The following SPAG16 variants were observed in gnomAD, a reference collection of about 807,000 sequenced individuals.
SPAG16 encodes the protein sperm associated antigen 16, also known as sperm-associated antigen 16 protein.
Under a neutral mutation model 80.4 loss-of-function variants are expected in SPAG16, and 86 were observed. The ratio of observed to expected loss-of-function variants is 1.07; its 90% CI spans 0.90 to 1.28. SPAG16 has a LOEUF of 1.28. SPAG16 is among the 50% of genes most tolerant of loss of function. The pLI is 0.00. For synonymous variants in SPAG16, 294 were observed against 265.9 expected, an observed-to-expected ratio of 1.11 and a Z score of -1.03; for missense variants, 870 against 765.3, an observed-to-expected ratio of 1.14 and a Z score of -1.61.
At chr2:213,404,634 G>A (rs1412183287) in intron 9 of SPAG16, among the ~76,000 whole-genome samples, 1 of 152,096 alleles carries the variant, frequency 6.6e-6, no homozygotes, top group Non-Finnish European at 1.5e-5. Context: ...ATACCATTCA[G>A]GACATAGGCA....
chr2:213,410,863 G>A (rs115611521), intron 9 of SPAG16, among the ~76,000 whole-genome samples: 2,165 of 152,128 alleles, frequency 0.014, 24 homozygotes, highest in South Asian at 0.038. Flanking sequence ...GTCGTACCAA[G>A]CTCTCTCTCT....
At chr2:213,524,110 C>T (rs2075790723) in intron 10 of SPAG16, among the ~76,000 whole-genome samples, 1 of 152,150 alleles carries the variant, frequency 6.6e-6, no homozygotes, top group South Asian at 2.1e-4. Context: ...TTGCTGTGTG[C>T]AGCCTAGGGA....
chr2:213,295,277 G>C (rs186993785), intron 1 of SPAG16, among the ~76,000 whole-genome samples: 1 of 152,126 alleles, frequency 6.6e-6, no homozygotes, highest in African/African-American at 2.4e-5. Flanking sequence ...TTGCTGGTGT[G>C]TGCTGTGATT....
At chr2:214,408,928 T>A (rs1240558291) in intron 15 of SPAG16, among the ~76,000 whole-genome samples, 5 of 152,012 alleles carry the variant, frequency 3.3e-5, no homozygotes, top group Non-Finnish European at 7.4e-5. Flanking sequence ...TAAGCATTTT[T>A]AAATAGTACT....
chr2:213,853,959 G>A (rs1444166367), intron 10 of SPAG16, among the ~76,000 whole-genome samples: 3 of 152,146 alleles, frequency 2.0e-5, no homozygotes, highest in Non-Finnish European at 2.9e-5. Context: ...CCCAAGATTA[G>A]CAACTACTTT....
At chr2:213,825,252 C>T (rs2073200557) in intron 10 of SPAG16, among the ~76,000 whole-genome samples, 1 of 152,048 alleles carries the variant, frequency 6.6e-6, no homozygotes, top group Non-Finnish European at 1.5e-5. Context: ...CTGGGACTTC[C>T]AGCACTATGT....
chr2:214,178,931 A>G (rs963819217), intron 15 of SPAG16, among the ~76,000 whole-genome samples: 4 of 151,330 alleles, frequency 2.6e-5, no homozygotes, highest in South Asian at 4.1e-4. Context: ...TGTTACCGTC[A>G]TTTAGTAGAA....
chr2:213,915,110 AG>A (rs1283790543), intron 11 of SPAG16, among the ~76,000 whole-genome samples: 3 of 150,020 alleles, frequency 2.0e-5, no homozygotes, highest in African/African-American at 7.3e-5. Context: ...GGGCATGTGC[AG>A]GGGAACTCCC....
intron 9 of SPAG16, among the ~76,000 whole-genome samples, chr2:213,431,131 T>C (rs927626928): frequency 1.3e-5 from 2 of 152,012 alleles, no homozygotes; most frequent in African/African-American, 4.8e-5. Flanking sequence ...AGGATAAGAT[T>C]ATCAGGTTTT....
chr2:213,408,182 A>ACCTC (rs2125380240), intron 9 of SPAG16, among the ~76,000 whole-genome samples: 1 of 152,326 alleles, frequency 6.6e-6, no homozygotes, highest in East Asian at 1.9e-4. Context: ...TAAAACCTAT[A>ACCTC]ATTGATAATT....
chr2:213,819,937 TCG>T (rs2072829679), intron 10 of SPAG16, among the ~76,000 whole-genome samples: 1 of 130,510 alleles, frequency 7.7e-6, no homozygotes, highest in African/African-American at 2.6e-5. Flanking sequence ...TTCTAATTTT[TCG>T]TGTTTTTTTT....
intron 10 of SPAG16, among the ~76,000 whole-genome samples, chr2:213,817,148 G>A (rs1428660621): frequency 2.7e-5 from 4 of 150,070 alleles, no homozygotes; most frequent in Non-Finnish European, 5.9e-5. Context: ...AAAATAATTT[G>A]TCAGTACATA....
chr2:213,597,050 A>G (rs544976067), intron 10 of SPAG16, among the ~76,000 whole-genome samples: 25 of 152,326 alleles, frequency 1.6e-4, no homozygotes, highest in African/African-American at 6.0e-4. Flanking sequence ...TGGCTTTTTA[A>G]ACAGGCACAA....
At chr2:213,631,165 G>A (rs1203281403) in intron 10 of SPAG16, among the ~76,000 whole-genome samples, 1 of 151,974 alleles carries the variant, frequency 6.6e-6, no homozygotes, top group African/African-American at 2.4e-5. Context: ...TAGTTTCTCA[G>A]GTGTCAAAAA....
chr2:213,388,571 T>C (rs1381698382), intron 9 of SPAG16, among the ~76,000 whole-genome samples: 2 of 152,156 alleles, frequency 1.3e-5, no homozygotes, highest in Non-Finnish European at 1.5e-5. Flanking sequence ...CAATAAATTT[T>C]TTTAAAAAAT....
rs572656071 is a variant in SPAG16, at chr2:213,786,381, C to G, written c.1071-76104C>G. Among the ~76,000 whole-genome samples, 4 of 152,066 alleles carry G rather than the reference C, an allele frequency of 2.6e-5. No homozygotes were observed. In the East Asian group the frequency reaches 5.8e-4, roughly 22 times the overall value. On this transcript the variant is annotated intron_variant, in intron 10 of 15. Transcript: ENST00000331683. ...ACATCAAATTACAAATGTTATTACA[C>G]TTTAGTGAGTATTAGAAGAAAGAAA...
intron 10 of SPAG16, among the ~76,000 whole-genome samples, chr2:213,626,641 ATTTTTTT>A (rs10582370): frequency 1.0e-4 from 10 of 98,984 alleles, no homozygotes; most frequent in South Asian, 6.5e-4. Context: ...ATCGGGCTCA[ATTTTTTT>A]TTTTTTTTTT....
chr2:213,539,677 A>T (rs896786467), intron 10 of SPAG16, among the ~76,000 whole-genome samples: 3 of 152,232 alleles, frequency 2.0e-5, no homozygotes, highest in Non-Finnish European at 4.4e-5. Context: ...ACAAAAAGTG[A>T]ACACTACAGT....
Position 214,058,426 on chromosome 2 carries a change from G to T in SPAG16, c.1527+44349G>T, listed in dbSNP as rs75413383. On this transcript the variant is annotated intron_variant, in intron 13 of 15. Coordinates refer to ENST00000331683, the MANE Select transcript of SPAG16 (RefSeq NM_024532.5). Reference sequence around the variant, plus strand: ...CATACAGCATTTATTAATTATGTTTGCTGTCTTATATGTATTCAGATCATG... The same window carrying T: ...CATACAGCATTTATTAATTATGTTTTCTGTCTTATATGTATTCAGATCATG... 8.8e-3 allele frequency among the ~76,000 whole-genome samples: 1,339 copies of T among 152,214 alleles called. 17 individuals carry two copies. The highest frequency in any genetic ancestry group is 0.03 in the African/African-American group (1,263 of 41,526).
Sources: gnomAD v4.1 joint callset for allele counts (sites outside exome capture counted in the v4.1 genomes callset) on GRCh38, gnomAD v4.1.1 for gene constraint, MANE v1.5 for transcripts, NCBI Gene and HGNC (gene_info 2026-07-23, HGNC 2026-07-21) for gene names.